CFAP299: variants seen among roughly 807,000 people sequenced by gnomAD.
The protein encoded by CFAP299 is cilia- and flagella-associated protein 299.
Under a neutral mutation model 27.0 loss-of-function variants are expected in CFAP299, and 21 were observed. That is an observed-to-expected ratio of 0.78 (90% CI 0.55 to 1.12). The LOEUF (loss-of-function observed/expected upper bound fraction) is 1.12, where lower values mean the gene tolerates loss of function less well. Ranked by LOEUF, CFAP299 falls within the 50% of genes most tolerant of loss-of-function variation. The pLI is 0.00. For missense variants in CFAP299, 310 were observed against 276.6 expected, an observed-to-expected ratio of 1.12 and a Z score of -0.86; for synonymous variants, 104 against 98.1, an observed-to-expected ratio of 1.06 and a Z score of -0.36.
chr4:80,942,225 T>C (rs1308221509), intron 4 of CFAP299, among the ~76,000 whole-genome samples: 1 of 152,188 alleles, frequency 6.6e-6, no homozygotes, highest in Non-Finnish European at 1.5e-5. Flanking sequence ...TCAGCAGTCA[T>C]ATATGCTACA....
At chr4:80,923,132 G>T (rs1467500336) in intron 4 of CFAP299, among the ~76,000 whole-genome samples, 1 of 151,982 alleles carries the variant, frequency 6.6e-6, no homozygotes, top group African/African-American at 2.4e-5. Flanking sequence ...ATTCCTTCAT[G>T]GTTGTTACGG....
intron 3 of CFAP299, among the ~76,000 whole-genome samples, chr4:80,722,833 A>T (rs1560717401): frequency 6.6e-6 from 1 of 151,570 alleles, no homozygotes; most frequent in Non-Finnish European, 1.5e-5. Context: ...CCCGGGGGGC[A>T]GAGCCTGCAG....
At chr4:80,551,283 G>C (rs141693926) in intron 2 of CFAP299, among the ~76,000 whole-genome samples, 167 of 152,202 alleles carry the variant, frequency 1.1e-3, no homozygotes, top group African/African-American at 3.7e-3. Flanking sequence ...GATTATGTAG[G>C]TAACAATCAC....
intron 4 of CFAP299, among the ~76,000 whole-genome samples, chr4:80,911,441 C>A (rs80270033): frequency 2.6e-5 from 4 of 151,996 alleles, no homozygotes; most frequent in Admixed American, 2.6e-4. Context: ...GCATCAAAAT[C>A]TTTTCTGCCT....
intron 2 of CFAP299, among the ~76,000 whole-genome samples, chr4:80,474,570 C>T (rs1031160314): frequency 1.3e-5 from 2 of 152,118 alleles, no homozygotes; most frequent in Non-Finnish European, 2.9e-5. Context: ...AACAATTTAA[C>T]TATGGTTTTA....
chr4:80,525,625 T>C (rs1445024973), intron 2 of CFAP299, among the ~76,000 whole-genome samples: 1 of 152,178 alleles, frequency 6.6e-6, no homozygotes, highest in Non-Finnish European at 1.5e-5. Flanking sequence ...TTACAAAGCC[T>C]TGCATAATCT....
chr4:80,348,117 C>A (rs1451360476), intron 1 of CFAP299, among the ~76,000 whole-genome samples: 1 of 152,068 alleles, frequency 6.6e-6, no homozygotes, highest in Non-Finnish European at 1.5e-5. Flanking sequence ...AAACTGGATC[C>A]CCTCTGTACA....
At chr4:80,901,619 G>A (rs1014502339) in intron 4 of CFAP299, among the ~76,000 whole-genome samples, 3 of 152,044 alleles carry the variant, frequency 2.0e-5, no homozygotes, top group African/African-American at 7.2e-5. Context: ...CCACAATTGG[G>A]TCTCCATGCC....
At chr4:80,899,274 G>C (rs1227681977) in intron 4 of CFAP299, among the ~76,000 whole-genome samples, 3 of 152,190 alleles carry the variant, frequency 2.0e-5, no homozygotes, top group African/African-American at 4.8e-5. Context: ...AGTTATCTAT[G>C]AGATGTAGCT....
chr4:80,692,346 G>T (rs1252049788), intron 3 of CFAP299, among the ~76,000 whole-genome samples: 1 of 152,016 alleles, frequency 6.6e-6, no homozygotes, highest in East Asian at 1.9e-4. Context: ...CCAAAACAGA[G>T]ATATAGATCA....
chr4:80,885,966 G>T (rs1733949831), intron 4 of CFAP299, among the ~76,000 whole-genome samples: 1 of 152,160 alleles, frequency 6.6e-6, no homozygotes, highest in South Asian at 2.1e-4. Flanking sequence ...GGCCAGAGGG[G>T]AGCCCACTGC....
At chr4:80,821,799 C>G (rs1729721670) in intron 3 of CFAP299, among the ~76,000 whole-genome samples, 1 of 152,088 alleles carries the variant, frequency 6.6e-6, no homozygotes, top group African/African-American at 2.4e-5. Flanking sequence ...CCCAGAGACA[C>G]CTGCAGAGTA....
rs369453457 is a variant in CFAP299, at chr4:80,618,292, GA to G, written c.333+35116del. Among the ~76,000 whole-genome samples the G allele has an allele frequency of 6.7e-3, 1,018 of 152,152 alleles. 12 individuals carry two copies. The highest frequency in any genetic ancestry group is 0.023 in the African/African-American group (966 of 41,542). On this transcript the variant is annotated intron_variant, in intron 3 of 5. Coordinates refer to ENST00000358105, the MANE Select transcript of CFAP299 (RefSeq NM_152770.3). ...CAGTATAAAGGCAAACTGTTTTATA[GA>G]AAAAAAGTTGTTATCTACAATGTGT... is the stretch of plus-strand genomic sequence containing the variant.
intron 2 of CFAP299, among the ~76,000 whole-genome samples, chr4:80,549,817 A>G (rs1363233660): frequency 6.6e-6 from 1 of 152,226 alleles, no homozygotes; most frequent in African/African-American, 2.4e-5. Flanking sequence ...AGATATTTTT[A>G]AAAATCCAAT....
Position 80,650,786 on chromosome 4 carries a change from A to AT in CFAP299, c.333+67608dup. On this transcript the variant is annotated intron_variant, in intron 3 of 5. Coordinates refer to ENST00000358105, the MANE Select transcript of CFAP299 (RefSeq NM_152770.3). Reference sequence around the variant, plus strand: ...TTTAAAATTATTTGGATTTTAAGTTATTTTTATTATTTGCATCCTAAACTA... The same window carrying AT: ...TTTAAAATTATTTGGATTTTAAGTTATTTTTTATTATTTGCATCCTAAACTA... Among the ~76,000 whole-genome samples the AT allele has an allele frequency of 2.0e-5, 3 of 152,120 alleles. No individual in the cohort carries two copies. The East Asian group carries it at 5.8e-4, about 29-fold the overall frequency.
At chr4:80,468,375 C>G (rs1195095352) in intron 2 of CFAP299, among the ~76,000 whole-genome samples, 1 of 151,900 alleles carries the variant, frequency 6.6e-6, no homozygotes, top group East Asian at 2.0e-4. Flanking sequence ...AGGTGCCCAC[C>G]ACCACACATG....
chr4:80,518,643 A>G (rs1732711797), intron 2 of CFAP299, among the ~76,000 whole-genome samples: 2 of 152,158 alleles, frequency 1.3e-5, no homozygotes, highest in South Asian at 2.1e-4. Context: ...GAGTATGGAA[A>G]TACATATTTA....
intron 3 of CFAP299, among the ~76,000 whole-genome samples, chr4:80,595,814 G>A (rs764919447): frequency 1.1e-4 from 16 of 152,062 alleles, no homozygotes; most frequent in Non-Finnish European, 2.1e-4. Context: ...CATATTTTCT[G>A]GTGTGTTTTC....
chr4:80,741,317 C>G lies in CFAP299; in HGVS notation c.334-128676C>G, dbSNP rs546833588. Among the ~76,000 whole-genome samples the G allele has an allele frequency of 4.6e-4, 70 of 152,216 alleles. 1 individual carries two copies. Among genetic ancestry groups the G allele is most frequent in the African/African-American group, 1.5e-3 (62 of 41,538 alleles). On this transcript the variant is annotated intron_variant, in intron 3 of 5. Transcript: ENST00000358105. ...AGGCTGGAGTGCAGTGGCATGATCTCAGCTCACTGCAACCTCCACCTCCTG... is the reference window on the plus strand; with the variant it reads ...AGGCTGGAGTGCAGTGGCATGATCTGAGCTCACTGCAACCTCCACCTCCTG...
Sources: allele counts gnomAD v4.1 joint callset (sites outside exome capture counted in the v4.1 genomes callset), GRCh38; gene constraint gnomAD v4.1.1; transcripts MANE v1.5; gene names NCBI Gene and HGNC (gene_info 2026-07-23, HGNC 2026-07-21).